The following CLASP1 variants were observed in gnomAD, a reference collection of about 807,000 sequenced individuals.
CLASP1 encodes CLIP-associating protein 1.
In CLASP1, 38 loss-of-function variants were observed where a neutral mutation model predicts 192.3. That is an observed-to-expected ratio of 0.20 (90% confidence interval 0.15 to 0.26). CLASP1 has a LOEUF of 0.26. CLASP1 is among the 10% of genes least tolerant of loss of function. The probability of loss-of-function intolerance (pLI) is 1.00; values close to 1 mark genes in which losing one functional copy is unlikely to be tolerated. For synonymous variants in CLASP1, 691 were observed against 712.8 expected (o/e 0.97, Z 0.49); for missense variants, 1,433 against 1,932.5 (o/e 0.74, Z 4.85).
intron 6 of CLASP1, among the ~76,000 whole-genome samples, chr2:121,524,993 C>T (rs1193315560): frequency 6.6e-6 from 1 of 151,964 alleles, no homozygotes; most frequent in Admixed American, 6.6e-5. Flanking sequence ...CAGGGGAGGT[C>T]GGGTAGAAGG....
At chr2:121,513,171 A>C (rs1019977561) in intron 7 of CLASP1, 1 of 152,226 alleles carries the variant, frequency 6.6e-6, no homozygotes, top group African/African-American at 2.4e-5. Flanking sequence ...ATCTTAGGTA[A>C]CTGTCTTGTA....
intron 30 of CLASP1, among the ~76,000 whole-genome samples, chr2:121,396,065 T>C (rs1230560041): frequency 6.6e-6 from 1 of 152,218 alleles, no homozygotes; most frequent in African/African-American, 2.4e-5. Flanking sequence ...CGCTCTGCCC[T>C]ATATCAATTA....
intron 2 of CLASP1, among the ~76,000 whole-genome samples, chr2:121,571,034 A>G (rs775481756): frequency 1.4e-4 from 21 of 152,060 alleles, no homozygotes; most frequent in African/African-American, 4.1e-4. Flanking sequence ...GGATATGACT[A>G]TAAGAGAGGA....
intron 6 of CLASP1, among the ~76,000 whole-genome samples, chr2:121,522,831 G>A (rs1483440191): frequency 6.6e-6 from 1 of 152,136 alleles, no homozygotes; most frequent in Non-Finnish European, 1.5e-5. Flanking sequence ...TGCAATTAAG[G>A]TTTTTCATAT....
chr2:121,538,384 C>T (rs1255680925), intron 2 of CLASP1, among the ~76,000 whole-genome samples: 1 of 151,650 alleles, frequency 6.6e-6, no homozygotes, highest in Non-Finnish European at 1.5e-5. Context: ...TGTACTCCAG[C>T]CTGGGTGATA....
chr2:121,605,488 C>T (rs1446245582), intron 2 of CLASP1, among the ~76,000 whole-genome samples: 6 of 152,200 alleles, frequency 3.9e-5, no homozygotes, highest in East Asian at 1.9e-4. Context: ...TGTCAAAGTG[C>T]TAAAGGATGA....
chr2:121,367,645 C>T lies in CLASP1; in HGVS notation c.3829G>A (p.Asp1277Asn), dbSNP rs772564602. 10 of 1,613,900 alleles carry T rather than the reference C, an allele frequency of 6.2e-6. No homozygotes were observed. In the South Asian group the frequency reaches 6.6e-5, roughly 11 times the overall value. ...ACAGCCTCTTTCAGGGCGGTCTTGT[C>T]GTAGGTGTTGATGGCATCTGAGTAG... Residue 1277 changes from aspartate to asparagine, a missense_variant, in exon 35 of 40, where the codon GAC (aspartate) becomes AAC (asparagine). Coordinates refer to ENST00000263710, the Ensembl canonical transcript of CLASP1.
chr2:121,504,519 G>A (rs12052356), intron 7 of CLASP1, among the ~76,000 whole-genome samples: 5,835 of 152,254 alleles, frequency 0.038, 151 homozygotes, highest in East Asian at 0.14. Context: ...ACATCACTAT[G>A]TTAGACAGCT....
intron 14 of CLASP1, among the ~76,000 whole-genome samples, chr2:121,452,792 TAAACAAAC>T (rs548025023): frequency 7.2e-4 from 109 of 151,974 alleles, no homozygotes; most frequent in African/African-American, 2.0e-3. Flanking sequence ...CTCTGTCAAA[TAAACAAAC>T]AAACAAACAA....
intron 2 of CLASP1, among the ~76,000 whole-genome samples, chr2:121,556,225 A>G (rs867256716): frequency 6.6e-6 from 1 of 152,040 alleles, no homozygotes; most frequent in Middle Eastern, 3.4e-3. Flanking sequence ...GCCTCAAGTG[A>G]TCTGCCCGCC....
At chr2:121,464,115 G>A (rs1274646958) in intron 9 of CLASP1, among the ~76,000 whole-genome samples, 11 of 151,076 alleles carry the variant, frequency 7.3e-5, no homozygotes, top group Middle Eastern at 3.4e-3. Context: ...TTGTTCTTGC[G>A]ATAGTTTACC....
chr2:121,609,443 T>C (rs1026010462), intron 1 of CLASP1, among the ~76,000 whole-genome samples: 10 of 152,254 alleles, frequency 6.6e-5, no homozygotes, highest in African/African-American at 2.4e-4. Flanking sequence ...CTCTTCTTTT[T>C]CTTCTTAATT....
intron 2 of CLASP1, among the ~76,000 whole-genome samples, chr2:121,597,300 C>T (rs1202504943): frequency 6.6e-6 from 1 of 152,158 alleles, no homozygotes; most frequent in East Asian, 1.9e-4. Flanking sequence ...AGCACAATTT[C>T]TGGCTCACAG....
rs1344053308 is a variant in CLASP1 at position 121,382,203 on chromosome 2, G to A, written c.3491+5C>T. ...CTCAGACAAGTTTGACAGGTAGCTT[G>A]TTACCTGGGAGAGTAAGAGCGCCTG... On this transcript the variant is annotated splice_donor_5th_base_variant and intron_variant, in intron 33 of 39. Coordinates refer to ENST00000263710, the Ensembl canonical transcript of CLASP1. 4 of 1,598,660 alleles carry A rather than the reference G, an allele frequency of 2.5e-6. No individual in the cohort carries two copies. Among genetic ancestry groups the A allele is most frequent in the Non-Finnish European group, 3.4e-6 (4 of 1,170,804 alleles).
chr2:121,591,829 C>A (rs2062434672), intron 2 of CLASP1, among the ~76,000 whole-genome samples: 1 of 152,208 alleles, frequency 6.6e-6, no homozygotes, highest in Non-Finnish European at 1.5e-5. Context: ...CCATTTATAA[C>A]CACACCTATT....
intron 38 of CLASP1, among the ~76,000 whole-genome samples, chr2:121,348,292 G>A (rs2063732224): frequency 6.6e-6 from 1 of 152,188 alleles, no homozygotes; most frequent in Non-Finnish European, 1.5e-5. Context: ...TTCATTCTGT[G>A]AGCTGCCAGG....
At chr2:121,609,711 G>A (rs564405265) in intron 1 of CLASP1, among the ~76,000 whole-genome samples, 1 of 152,318 alleles carries the variant, frequency 6.6e-6, no homozygotes, top group South Asian at 2.1e-4. Context: ...GGGAGGCTGA[G>A]GCGGGCGGAT....
Position 121,393,529 on chromosome 2 carries a change from C to T in CLASP1, c.3123+3611G>A, listed in dbSNP as rs1046961389. ...TTAGATCTTAGAGTAGTGATAAATA[C>T]TACATCACAATTCTAAGTATTTTAA... On this transcript the variant is annotated intron_variant, in intron 30 of 39. Transcript: ENST00000263710. Among the ~76,000 whole-genome samples the T allele has an allele frequency of 2.0e-5, 3 of 152,032 alleles. No homozygotes were observed. In the South Asian group the frequency reaches 6.2e-4, roughly 32 times the overall value.
At chr2:121,514,466 C>T (rs949776152) in intron 7 of CLASP1, among the ~76,000 whole-genome samples, 12 of 150,994 alleles carry the variant, frequency 7.9e-5, no homozygotes, top group African/African-American at 2.7e-4. Flanking sequence ...ACCATATATT[C>T]AAAGACCAGA....
Sources: allele counts gnomAD v4.1 joint callset (sites outside exome capture counted in the v4.1 genomes callset), GRCh38; gene constraint gnomAD v4.1.1; transcripts MANE v1.5; gene names NCBI Gene and HGNC (gene_info 2026-07-23, HGNC 2026-07-21).